IKZF1: variants seen among roughly 807,000 people sequenced by gnomAD.
The protein encoded by IKZF1 is IKAROS family zinc finger 1, also known as DNA-binding protein Ikaros.
IKZF1 carries 10 observed loss-of-function variants against 51.7 expected under a neutral mutation model. The observed-to-expected ratio is 0.19, with a 90% CI of 0.12 to 0.33. The LOEUF (loss-of-function observed/expected upper bound fraction) is 0.33. IKZF1 is among the 10% of genes least tolerant of loss of function. The pLI, the probability that IKZF1 is intolerant of heterozygous loss-of-function variation, is 1.00. For synonymous variants in IKZF1, 280 were observed against 282.3 expected (o/e 0.99, Z 0.08); for missense variants, 484 against 707.5 (o/e 0.68, Z 3.58).
At chr7:50,347,873 G>A (rs570889662) in intron 3 of IKZF1, among the ~76,000 whole-genome samples, 89 of 152,284 alleles carry the variant, frequency 5.8e-4, no homozygotes, top group South Asian at 1.2e-3. Flanking sequence ...ATAGGTATGC[G>A]GACGGCTCTT....
intron 1 of IKZF1, among the ~76,000 whole-genome samples, chr7:50,308,134 T>A (rs1361286853): frequency 6.6e-6 from 1 of 152,206 alleles, no homozygotes; most frequent in Non-Finnish European, 1.5e-5. Context: ...TTTAAGACAT[T>A]ATGAAACCTT....
Position 50,327,647 on chromosome 7 carries a change from G to A in IKZF1, c.50G>A (p.Ser17Asn). 6.2e-7 allele frequency: 1 copy of A among 1,612,116 alleles called. No homozygotes were observed. The highest frequency in any genetic ancestry group is 8.5e-7 in the Non-Finnish European group (1 of 1,179,042). The change falls in exon 3 of 8, where the codon AGC (serine) becomes AAC (asparagine). Residue 17 changes from serine (S) to asparagine (N), a missense_variant. By Grantham distance (46) the Ser-to-Asn change is conservative (BLOSUM62 1). Transcript: ENST00000331340. Reference protein sequence around the residue: ...QDMSQVSGKESPPVSDTPDEG... With the variant: ...QDMSQVSGKENPPVSDTPDEG... ...TCTTCTTTCTCATCAGGGAAGGAAA[G>A]CCCCCCTGTAAGCGATACTCCAGAT...
intron 1 of IKZF1, among the ~76,000 whole-genome samples, chr7:50,315,727 A>G (rs763758591): frequency 9.2e-5 from 14 of 152,034 alleles, no homozygotes; most frequent in Non-Finnish European, 1.5e-4. Context: ...TTGATTTTTC[A>G]TTTAGGTGAA....
chr7:50,330,376 C>T (rs1216579929), intron 3 of IKZF1, among the ~76,000 whole-genome samples: 1 of 152,160 alleles, frequency 6.6e-6, no homozygotes, highest in Non-Finnish European at 1.5e-5. Context: ...AGATTGAATG[C>T]TCCTCAGTGG....
intron 3 of IKZF1, among the ~76,000 whole-genome samples, chr7:50,364,230 C>G (rs1806132813): frequency 6.6e-6 from 1 of 152,180 alleles, no homozygotes; most frequent in Admixed American, 6.5e-5. Context: ...TAATTTTATG[C>G]ACAGCTAAAT....
Position 50,376,977 on chromosome 7 carries a change from A to G in IKZF1, c.421+184A>G, listed in dbSNP as rs868126974. 2 of 1,035,508 alleles carry G rather than the reference A, an allele frequency of 1.9e-6. No individual in the cohort carries two copies. Among genetic ancestry groups the G allele is most frequent in the South Asian group, 1.7e-5 (1 of 58,210 alleles). The allele number at this position is 1,035,508 out of a possible 1,614,324, so 64.1% of individuals were successfully genotyped here. A position where few individuals can be genotyped will look rare whatever the true frequency, so the allele number is the denominator to read the frequency against. Reference sequence around the variant, plus strand: ...AGTCCTTGTTCTGGTACAGCCTTGTAAAGGACTTCTCAACACGTACCAATT... The same window carrying G: ...AGTCCTTGTTCTGGTACAGCCTTGTGAAGGACTTCTCAACACGTACCAATT... On this transcript the variant is annotated intron_variant, in intron 4 of 7. Transcript: ENST00000331340. The surrounding 1 kb of genome is among the most constrained non-coding windows in gnomAD (Gnocchi z 4.5).
intron 1 of IKZF1, among the ~76,000 whole-genome samples, chr7:50,306,865 A>G (rs553520315): frequency 6.2e-4 from 94 of 152,344 alleles, no homozygotes; most frequent in Non-Finnish European, 9.4e-4. Context: ...TTCAATATAA[A>G]TGTCAAAAAT....
At chr7:50,322,583 C>G (rs970645936) in intron 2 of IKZF1, among the ~76,000 whole-genome samples, 1 of 152,202 alleles carries the variant, frequency 6.6e-6, no homozygotes, top group African/African-American at 2.4e-5. Context: ...CTAAAGCAAG[C>G]TACCCTTTCC....
At chr7:50,383,363 A>G (rs1046365101) in intron 5 of IKZF1, among the ~76,000 whole-genome samples, 2 of 152,246 alleles carry the variant, frequency 1.3e-5, no homozygotes, top group East Asian at 1.9e-4. Context: ...TAAACGCTCT[A>G]TCATTCTCAA....
At chr7:50,344,970 G>A (rs1305597749) in intron 3 of IKZF1, among the ~76,000 whole-genome samples, 1 of 151,600 alleles carries the variant, frequency 6.6e-6, no homozygotes, top group Non-Finnish European at 1.5e-5. Context: ...AAGTAACTGC[G>A]ATTTTTGCCA....
intron 5 of IKZF1, among the ~76,000 whole-genome samples, chr7:50,385,341 C>G (rs1470807697): frequency 1.3e-5 from 2 of 152,216 alleles, no homozygotes. Flanking sequence ...AATGGTGACT[C>G]CCCTGTCCCA....
chr7:50,356,317 G>T (rs1187697151), intron 3 of IKZF1, among the ~76,000 whole-genome samples: 2 of 152,220 alleles, frequency 1.3e-5, no homozygotes, highest in African/African-American at 4.8e-5. Flanking sequence ...GGGACAGATG[G>T]TCTGGAGCCA....
intron 1 of IKZF1, among the ~76,000 whole-genome samples, chr7:50,309,689 C>T (rs553634596): frequency 6.6e-6 from 1 of 152,272 alleles, no homozygotes; most frequent in Non-Finnish European, 1.5e-5. Flanking sequence ...TGTTCTGAAG[C>T]TAGGAGTTCC....
chr7:50,348,998 G>A (rs949569349), intron 3 of IKZF1, among the ~76,000 whole-genome samples: 25 of 152,290 alleles, frequency 1.6e-4, no homozygotes, highest in African/African-American at 4.6e-4. Flanking sequence ...ACTTAGCATC[G>A]CCAGCCTCCT....
At chr7:50,391,005 T>C (rs1172756701) in intron 6 of IKZF1, among the ~76,000 whole-genome samples, 1 of 152,222 alleles carries the variant, frequency 6.6e-6, no homozygotes, top group East Asian at 1.9e-4. Flanking sequence ...GAAAGAGTTA[T>C]ATTTTTATAA....
chr7:50,380,570 G>T (rs992712891), intron 4 of IKZF1, among the ~76,000 whole-genome samples: 4 of 152,230 alleles, frequency 2.6e-5, no homozygotes, highest in African/African-American at 9.6e-5. Flanking sequence ...AAACACTGTT[G>T]TGTCACCAGG....
chr7:50,390,329 T>C (rs1486865960), intron 6 of IKZF1, among the ~76,000 whole-genome samples: 13 of 152,228 alleles, frequency 8.5e-5, no homozygotes, highest in Admixed American at 6.5e-4. Context: ...ATTAGCTTAA[T>C]AGATGAAGTG....
intron 5 of IKZF1, among the ~76,000 whole-genome samples, chr7:50,383,904 G>A (rs1210099235): frequency 6.6e-6 from 1 of 152,230 alleles, no homozygotes; most frequent in Non-Finnish European, 1.5e-5. Context: ...GGTTTTAGAG[G>A]CTGCTCATTG....
chr7:50,303,809 G>A (rs1265905507), upstream of IKZF1, among the ~76,000 whole-genome samples: 2 of 151,138 alleles, frequency 1.3e-5, no homozygotes, highest in East Asian at 3.9e-4. The surrounding 1 kb of genome is among the most constrained non-coding windows in gnomAD (Gnocchi z 4.7). Context: ...GGCCCCGGGT[G>A]CAGGGTGGCG....
Sources: gnomAD v4.1 joint callset for allele counts (sites outside exome capture counted in the v4.1 genomes callset) on GRCh38, gnomAD v4.1.1 for gene constraint, Gnocchi (gnomAD v3.1) non-coding constraint, MANE v1.5 for transcripts, NCBI Gene and HGNC (gene_info 2026-07-23, HGNC 2026-07-21) for gene names.